CSTPP1: variants seen among roughly 807,000 people sequenced by gnomAD.
The protein encoded by CSTPP1 is centriolar satellite-associated tubulin polyglutamylase complex regulator 1.
the CSTPP1 span, chr11:47,137,375 G>T: frequency 6.8e-7 from 1 of 1,476,596 alleles, no homozygotes; most frequent in East Asian, 2.9e-5. Context: ...TCTCTTGTTT[G>T]CTCTCTTCAC....
At chr11:47,064,129 A>G in the CSTPP1 span, among the ~76,000 whole-genome samples, 2 of 152,126 alleles carry the variant, frequency 1.3e-5, no homozygotes, top group African/African-American at 4.8e-5. Flanking sequence ...TCTTCTCTAG[A>G]GGAGTATCTA....
At chr11:47,159,733 T>C in the CSTPP1 span, 4 of 456,124 alleles carry the variant, frequency 8.8e-6, no homozygotes, top group Non-Finnish European at 1.8e-5. Flanking sequence ...TGGCTGGGTG[T>C]GGTGGCTCAC....
chr11:47,054,289 T>C, the CSTPP1 span, among the ~76,000 whole-genome samples: 3 of 122,624 alleles, frequency 2.4e-5, no homozygotes, highest in Admixed American at 1.1e-4. Flanking sequence ...CCAGCCTGGG[T>C]GACAGAGCAA....
At chr11:47,093,135 G>T in the CSTPP1 span, among the ~76,000 whole-genome samples, 2 of 152,186 alleles carry the variant, frequency 1.3e-5, no homozygotes, top group African/African-American at 4.8e-5. Flanking sequence ...ACACATATAC[G>T]TGTTTCAGGC....
the CSTPP1 span, among the ~76,000 whole-genome samples, chr11:47,149,347 G>A: frequency 1.3e-4 from 20 of 152,214 alleles, no homozygotes; most frequent in African/African-American, 4.3e-4. Context: ...GAAGCAGCTG[G>A]CACGTTAGCA....
chr11:46,959,676 T>C, the CSTPP1 span, among the ~76,000 whole-genome samples: 1 of 152,196 alleles, frequency 6.6e-6, no homozygotes, highest in East Asian at 1.9e-4. Flanking sequence ...TTGTTCTCTT[T>C]TCTCAGTATA....
the CSTPP1 span, among the ~76,000 whole-genome samples, chr11:47,002,060 A>ACC: frequency 1.3e-5 from 2 of 152,166 alleles, no homozygotes; most frequent in Non-Finnish European, 2.9e-5. Context: ...CAAAAGGGGT[A>ACC]ATGCTTCCCC....
the CSTPP1 span, among the ~76,000 whole-genome samples, chr11:47,026,187 T>TATGTAGCAGAAGGTGAG: frequency 6.6e-6 from 1 of 152,280 alleles, no homozygotes; most frequent in African/African-American, 2.4e-5. Flanking sequence ...TGAGATGTAA[T>TATGTAGCAGAAGGTGAG]ATGTAGCAGA....
the CSTPP1 span, among the ~76,000 whole-genome samples, chr11:47,134,640 G>A: frequency 6.6e-6 from 1 of 152,140 alleles, no homozygotes; most frequent in Non-Finnish European, 1.5e-5. Flanking sequence ...AGGAGCATTA[G>A]GGTGAACTGG....
At chr11:47,021,872 G>C in the CSTPP1 span, among the ~76,000 whole-genome samples, 1 of 152,006 alleles carries the variant, frequency 6.6e-6, no homozygotes, top group Admixed American at 6.6e-5. Context: ...GGGACAAGGA[G>C]AGATCCCCTG....
chr11:47,125,080 T>C, the CSTPP1 span, among the ~76,000 whole-genome samples: 3 of 152,218 alleles, frequency 2.0e-5, no homozygotes, highest in Non-Finnish European at 2.9e-5. Flanking sequence ...CTCTTCTTTC[T>C]CTAGCTGCCT....
chr11:47,158,419 C>A, the CSTPP1 span, among the ~76,000 whole-genome samples: 3 of 152,236 alleles, frequency 2.0e-5, no homozygotes, highest in African/African-American at 7.2e-5. Flanking sequence ...GTTTTTCCTG[C>A]CTGCTGTTTT....
chr11:47,127,672 C>T, the CSTPP1 span, among the ~76,000 whole-genome samples: 1 of 151,766 alleles, frequency 6.6e-6, no homozygotes, highest in Non-Finnish European at 1.5e-5. Context: ...TGTACCAGCA[C>T]CTTAATTTAC....
chr11:46,993,835 G>T, the CSTPP1 span, among the ~76,000 whole-genome samples: 13 of 152,126 alleles, frequency 8.5e-5, no homozygotes, highest in Non-Finnish European at 1.9e-4. Flanking sequence ...TAGCTTGATG[G>T]GGATGGCATT....
chr11:46,955,230 C>T, the CSTPP1 span, among the ~76,000 whole-genome samples: 1 of 151,964 alleles, frequency 6.6e-6, no homozygotes, highest in African/African-American at 2.4e-5. Context: ...ATTCATATTC[C>T]CTTTCTTGGC....
the CSTPP1 span, among the ~76,000 whole-genome samples, chr11:46,992,384 C>A: frequency 9.5e-3 from 1,122 of 118,212 alleles, 18 homozygotes; most frequent in African/African-American, 0.031. Context: ...GCTATCCCTT[C>A]CCCCTCCCCC....
At chr11:47,103,347 C>G in the CSTPP1 span, among the ~76,000 whole-genome samples, 5 of 150,842 alleles carry the variant, frequency 3.3e-5, no homozygotes, top group Middle Eastern at 3.4e-3. Context: ...TTGCAGTGAG[C>G]TGAGATCATG....
chr11:46,958,535 C>T, the CSTPP1 span, among the ~76,000 whole-genome samples: 21 of 152,138 alleles, frequency 1.4e-4, 1 homozygote, highest in East Asian at 4.1e-3. Flanking sequence ...GTCTTGAACT[C>T]CTGGGTTCAA....
At chr11:47,068,461 G>T in the CSTPP1 span, among the ~76,000 whole-genome samples, 1 of 152,048 alleles carries the variant, frequency 6.6e-6, no homozygotes, top group African/African-American at 2.4e-5. Context: ...GAACCTAGGA[G>T]GCAGAGGTTG....
Sources: gnomAD v4.1 joint callset for allele counts (sites outside exome capture counted in the v4.1 genomes callset) on GRCh38, gnomAD v4.1.1 for gene constraint, MANE v1.5 for transcripts, NCBI Gene and HGNC (gene_info 2026-07-23, HGNC 2026-07-21) for gene names.